MOB1B: variants seen among roughly 807,000 people sequenced by gnomAD.
MOB1B encodes the protein MOB1 Mps One Binder homolog B.
MOB1B carries 19 observed loss-of-function variants against 24.4 expected under a neutral mutation model. The ratio of observed to expected loss-of-function variants is 0.78; its 90% CI spans 0.54 to 1.14. MOB1B has a LOEUF of 1.14. MOB1B is among the 50% of genes most tolerant of loss of function. The probability of loss-of-function intolerance (pLI) is 0.00; values close to 1 mark genes in which losing one functional copy is unlikely to be tolerated. For synonymous variants in MOB1B, 76 were observed against 82.1 expected (o/e 0.93, Z 0.40); for missense variants, 243 against 259.6 (o/e 0.94, Z 0.44).
intron 1 of MOB1B, among the ~76,000 whole-genome samples, chr4:70,941,160 CTT>C (rs775651257): frequency 2.2e-5 from 3 of 135,450 alleles, no homozygotes; most frequent in Admixed American, 1.5e-4. Context: ...TACTTTGGCT[CTT>C]TTTTTTTTTT....
At chr4:70,938,112 G>C (rs1398890491) in intron 1 of MOB1B, among the ~76,000 whole-genome samples, 1 of 151,756 alleles carries the variant, frequency 6.6e-6, no homozygotes, top group Non-Finnish European at 1.5e-5. Flanking sequence ...CTTCCTTCCA[G>C]TGTCTGGTAA....
intron 2 of MOB1B, among the ~76,000 whole-genome samples, chr4:70,962,312 C>CT (rs1315680866): frequency 2.0e-5 from 3 of 152,156 alleles, no homozygotes; most frequent in Non-Finnish European, 4.4e-5. Context: ...ATTTTGATGT[C>CT]TAAATTGATC....
intron 1 of MOB1B, among the ~76,000 whole-genome samples, chr4:70,915,458 A>C (rs1736160219): frequency 2.0e-5 from 3 of 152,244 alleles, no homozygotes; most frequent in African/African-American, 4.8e-5. Flanking sequence ...AGAGGATTCC[A>C]TTAGTTACTT....
At chr4:70,961,474 G>GC (rs1738302520) in intron 2 of MOB1B, among the ~76,000 whole-genome samples, 2 of 152,114 alleles carry the variant, frequency 1.3e-5, no homozygotes, top group South Asian at 4.1e-4. Context: ...AATATTTTCA[G>GC]CCCATGGTTC....
intron 1 of MOB1B, among the ~76,000 whole-genome samples, chr4:70,949,929 A>G (rs759939280): frequency 6.6e-6 from 1 of 152,034 alleles, no homozygotes; most frequent in Non-Finnish European, 1.5e-5. Context: ...CATAAATAAA[A>G]TTACAAAGGG....
At chr4:70,937,342 G>A (rs148998946) in intron 1 of MOB1B, among the ~76,000 whole-genome samples, 2 of 151,908 alleles carry the variant, frequency 1.3e-5, no homozygotes, top group African/African-American at 2.4e-5. Flanking sequence ...ATCCTCTGGC[G>A]TGGATCTATT....
intron 1 of MOB1B, among the ~76,000 whole-genome samples, chr4:70,915,625 G>A (rs1359112224): frequency 6.6e-6 from 1 of 152,214 alleles, no homozygotes; most frequent in Non-Finnish European, 1.5e-5. Flanking sequence ...TAGCTGAAGT[G>A]TGAGTTGGCC....
At chr4:70,948,514 C>T (rs1184362750) in intron 1 of MOB1B, among the ~76,000 whole-genome samples, 1 of 152,180 alleles carries the variant, frequency 6.6e-6, no homozygotes, top group African/African-American at 2.4e-5. Flanking sequence ...ACTTCAGCTT[C>T]TCCATCCTTC....
intron 4 of MOB1B, among the ~76,000 whole-genome samples, chr4:70,977,066 A>C (rs1739036482): frequency 6.6e-6 from 1 of 152,000 alleles, no homozygotes; most frequent in Non-Finnish European, 1.5e-5. Context: ...GATGCCTTTA[A>C]AAACTTTAAT....
At chr4:70,921,718 A>G (rs1451488491) in intron 1 of MOB1B, among the ~76,000 whole-genome samples, 1 of 152,054 alleles carries the variant, frequency 6.6e-6, no homozygotes, top group Non-Finnish European at 1.5e-5. Context: ...CGTGTTGGCC[A>G]GGTTGATCTC....
At chr4:70,934,094 T>G (rs1736988830) in intron 1 of MOB1B, among the ~76,000 whole-genome samples, 1 of 152,114 alleles carries the variant, frequency 6.6e-6, no homozygotes, top group South Asian at 2.1e-4. Flanking sequence ...TATTTATTTA[T>G]TTATTTTTGA....
chr4:70,908,919 C>T (rs751464638), intron 1 of MOB1B, among the ~76,000 whole-genome samples: 8 of 151,168 alleles, frequency 5.3e-5, no homozygotes, highest in African/African-American at 7.3e-5. Flanking sequence ...GGCGTAGTGG[C>T]GGGCGCCTGT....
chr4:70,946,084 C>CTTTTTTTTT (rs11331194), intron 1 of MOB1B, among the ~76,000 whole-genome samples: 1 of 85,394 alleles, frequency 1.2e-5, no homozygotes, highest in Non-Finnish European at 2.4e-5. Flanking sequence ...TTTGTTTGTT[C>CTTTTTTTTT]TTTTTTTTTT....
intron 1 of MOB1B, among the ~76,000 whole-genome samples, chr4:70,905,194 G>A (rs1310827312): frequency 6.6e-6 from 1 of 151,774 alleles, no homozygotes; most frequent in Non-Finnish European, 1.5e-5. Context: ...ACAAAGCTTT[G>A]GTTATTTCTT....
At chr4:70,949,464 G>A (rs2148889119) in intron 1 of MOB1B, among the ~76,000 whole-genome samples, 1 of 152,300 alleles carries the variant, frequency 6.6e-6, no homozygotes, top group African/African-American at 2.4e-5. Context: ...GCAGATGCAT[G>A]TCTGCCTTTC....
intron 1 of MOB1B, among the ~76,000 whole-genome samples, chr4:70,923,165 C>T (rs1156294196): frequency 6.6e-6 from 1 of 152,124 alleles, no homozygotes; most frequent in Non-Finnish European, 1.5e-5. Context: ...ACAGTAAGCT[C>T]CAGATTCCAA....
chr4:70,952,806 A>G (rs1737865220), intron 1 of MOB1B, among the ~76,000 whole-genome samples: 1 of 151,836 alleles, frequency 6.6e-6, no homozygotes, highest in Non-Finnish European at 1.5e-5. Flanking sequence ...GTCTTAAAAT[A>G]TGTGAGATGT....
At chr4:70,975,499 C>T in intron 4 of MOB1B, 2 of 1,238,048 alleles carry the variant, frequency 1.6e-6, no homozygotes, top group South Asian at 6.1e-5. Flanking sequence ...AGCTTTTCCC[C>T]TTTAACTTAG....
At position 70,969,199 on chromosome 4, in the gene MOB1B, A is replaced by G. The variant is rs571173678; in HGVS notation, c.182-732A>G. On this transcript the variant is annotated intron_variant, in intron 2 of 5. Coordinates refer to ENST00000309395, the MANE Select transcript of MOB1B (RefSeq NM_173468.4). ...CAGGCTGAAGTGCAGTAATGTGATC[A>G]TGGCTCACTGCAGCCTGACTTCCTC... Among the ~76,000 whole-genome samples, 97 of 152,282 alleles carry G rather than the reference A, an allele frequency of 6.4e-4. 1 individual carries two copies. Among genetic ancestry groups the G allele is most frequent in the South Asian group, 2.9e-3 (14 of 4,822 alleles).
Sources: allele counts gnomAD v4.1 joint callset (sites outside exome capture counted in the v4.1 genomes callset), GRCh38; gene constraint gnomAD v4.1.1; transcripts MANE v1.5; gene names NCBI Gene and HGNC (gene_info 2026-07-23, HGNC 2026-07-21).